Variants in ZNF747 observed in about 807,000 individuals in gnomAD.
ZNF747 encodes KRAB domain-containing protein ZNF747.
ZNF747 carries 14 observed loss-of-function variants against 13.4 expected under a neutral mutation model. The observed-to-expected ratio is 1.04, with a 90% CI of 0.69 to 1.63. The LOEUF (loss-of-function observed/expected upper bound fraction) is 1.63, where lower values mean the gene tolerates loss of function less well. ZNF747 is among the 40% of genes most tolerant of loss of function. ZNF747 has a pLI of 0.00. For missense variants in ZNF747, 532 were observed against 477.9 expected (o/e 1.11, Z -1.05); for synonymous variants, 212 against 206.5 (o/e 1.03, Z -0.23).
At position 30,534,443 on chromosome 16, in the gene ZNF747, G is replaced by A; in HGVS notation, c.229+8C>T. 1 of 1,579,912 alleles carries A rather than the reference G, an allele frequency of 6.3e-7. No individual in the cohort carries two copies. Among genetic ancestry groups the A allele is most frequent in the Non-Finnish European group, 8.6e-7 (1 of 1,164,214 alleles). ...CGCAGGGCCCAGGCAAGCAGGTGGG[G>A]CTCTCACCGAGCGCGCCCAGGTGGC... On this transcript the variant is annotated splice_region_variant and intron_variant, in intron 1 of 2. Coordinates refer to ENST00000693075, the MANE Select transcript of ZNF747 (RefSeq NM_001305018.2).
Position 30,530,486 on chromosome 16 carries a change from G to A in ZNF747, c.*2013C>T, listed in dbSNP as rs1716838344. 1 of 152,246 alleles carries A rather than the reference G, an allele frequency of 6.6e-6. No individual in the cohort carries two copies. Among genetic ancestry groups the A allele is most frequent in the Non-Finnish European group, 1.5e-5 (1 of 68,096 alleles). The allele number at this position is 152,246 out of a possible 1,614,324, so 9.4% of individuals were successfully genotyped here. On this transcript the variant is annotated 3_prime_UTR_variant, in exon 3 of 3. Coordinates refer to ENST00000693075, the MANE Select transcript of ZNF747 (RefSeq NM_001305018.2). The surrounding 1 kb of genome is among the most constrained non-coding windows in gnomAD (Gnocchi z 4.4). ...TTTCCCCAGGCTGTGTTGAGGGTTA[G>A]GGGAGGGGACTGAGATGTACACTGG...
chr16:30,534,383 C>T (rs1414252510), intron 1 of ZNF747, 68 bp downstream of exon 1: 2 of 1,555,592 alleles, frequency 1.3e-6, no homozygotes, highest in East Asian at 2.4e-5. Flanking sequence ...CAACTCCACA[C>T]GCAGCTCCCA....
In ZNF747 at chr16:30,534,210, T is replaced by C; in HGVS notation, c.330A>G (p.Thr110=). The C allele has an allele frequency of 6.2e-7, 1 of 1,610,622 alleles. No individual in the cohort carries two copies. The highest frequency in any genetic ancestry group is 8.5e-7 in the Non-Finnish European group (1 of 1,178,532). ...CCGATACTCCACCTGGGTCCGCTTC[T>C]GTCGGACACTTCGCCACCTCCGGAT... ...AQDPEVAKCP[T]EADPADSRNK... is the part of the protein sequence containing the mutation. Residue 110 remains threonine, a synonymous_variant, in exon 2 of 3, where the codon ACA becomes ACG. Coordinates refer to ENST00000693075, the MANE Select transcript of ZNF747 (RefSeq NM_001305018.2).
rs2051362653 is a variant in ZNF747 at position 30,530,692 on chromosome 16, C to T, written c.*1807G>A. 6.6e-6 allele frequency: 1 copy of T among 152,222 alleles called. No individual in the cohort carries two copies. Among genetic ancestry groups the T allele is most frequent in the Admixed American group, 6.5e-5 (1 of 15,284 alleles). 9.4% of individuals were successfully genotyped at this position (152,222 alleles called of 1,614,324 possible). On this transcript the variant is annotated 3_prime_UTR_variant, in exon 3 of 3. Transcript: ENST00000693075. This position sits in a 1 kb window ranked among gnomAD's most constrained non-coding sequence, Gnocchi z 4.4. The stretch of plus-strand genomic sequence containing the variant: ...TAAAGTCAGTTCATTACTTGACACC[C>T]GAACAGTGTCTTTTCTCCAAAACTT...
chr16:30,531,885 G>A lies in ZNF747; in HGVS notation c.*614C>T, dbSNP rs780747446. On this transcript the variant is annotated 3_prime_UTR_variant, in exon 3 of 3. Coordinates refer to ENST00000693075, the MANE Select transcript of ZNF747 (RefSeq NM_001305018.2). ...GAAAAGGCCAGGTGAGGTGGCTCACGCCTGTAATCCCAGCACTTTGGGAGG... is the reference window on the plus strand; with the variant it reads ...GAAAAGGCCAGGTGAGGTGGCTCACACCTGTAATCCCAGCACTTTGGGAGG... 2.9e-4 allele frequency: 44 copies of A among 152,930 alleles called. No homozygotes were observed. Among genetic ancestry groups the A allele is most frequent in the Middle Eastern group, 3.4e-3 (1 of 294 alleles). 9.5% of individuals were successfully genotyped at this position (152,930 alleles called of 1,614,324 possible).
In ZNF747 at chr16:30,533,068, G is replaced by A. The variant is rs1254025493; in HGVS notation, c.427C>T (p.Pro143Ser). The A allele has an allele frequency of 6.2e-7, 1 of 1,612,772 alleles. No homozygotes were observed. The highest frequency in any genetic ancestry group is 8.5e-7 in the Non-Finnish European group (1 of 1,180,012). The change falls in exon 3 of 3, where the codon CCT becomes TCT. Residue 143 changes from proline (P) to serine (S), a missense_variant. By Grantham distance (74) the Pro-to-Ser change is moderately conservative (BLOSUM62 -1). Transcript: ENST00000693075. ...EKPDPVAAGS[P>S]GLKAPQAPFA... ...GGGGCTTGGGGAGCCTTCAGCCCAG[G>A]AGACCCGGCGGCCACAGGGTCGGGC... is the stretch of plus-strand genomic sequence containing the variant.
At chr16:30,533,443 GCAC>G (rs1207593508) in intron 2 of ZNF747, among the ~76,000 whole-genome samples, 1 of 152,324 alleles carries the variant, frequency 6.6e-6, no homozygotes, top group East Asian at 1.9e-4. Context: ...AGAAGGAACA[GCAC>G]CAAGAAAGGC....
chr16:30,534,361 C>G (rs745818290), intron 1 of ZNF747, 51 bp from the exon 2 acceptor site: 2 of 1,554,810 alleles, frequency 1.3e-6, no homozygotes, highest in Non-Finnish European at 1.7e-6. Context: ...GCCTGCCCGG[C>G]CCCGGGGCCC....
rs1248851847 is a variant in ZNF747 at position 30,532,940 on chromosome 16, G to A, written c.555C>T (p.Tyr185=). Residue 185 remains tyrosine, a synonymous_variant, in exon 3 of 3, where the codon TAC becomes TAT. Coordinates refer to ENST00000693075, the MANE Select transcript of ZNF747 (RefSeq NM_001305018.2). ...GCCAGGCGAAGCTCTTCCCGCACAC[G>A]TAGCAGCCGTGACGCTGGTCAGCTC... is the stretch of plus-strand genomic sequence containing the variant. ...VPRADQRHGC[Y]VCGKSFAWRS... The A allele has an allele frequency of 1.2e-6, 2 of 1,605,326 alleles. No homozygotes were observed. Among genetic ancestry groups the A allele is most frequent in the East Asian group, 2.2e-5 (1 of 44,780 alleles).
rs1390667626 is a variant in ZNF747 at position 30,534,556 on chromosome 16, C to T, written c.124G>A (p.Val42Met). 3.7e-6 allele frequency: 6 copies of T among 1,607,256 alleles called. No individual in the cohort carries two copies. The highest frequency in any genetic ancestry group is 1.1e-5 in the South Asian group (1 of 90,032). ...RKPGAVSFAD[V>M]AVYFSREEWG... The stretch of plus-strand genomic sequence containing the variant: ...TCCTCCCGGGAGAAGTACACGGCCA[C>T]GTCGGCGAAGCTCACGGCCCCGGGC... The change falls in exon 1 of 3, where the codon GTG becomes ATG. Residue 42 changes from valine to methionine, a missense_variant. By Grantham distance (21) the Val-to-Met change is conservative. Coordinates refer to ENST00000693075, the MANE Select transcript of ZNF747 (RefSeq NM_001305018.2).
In ZNF747 at chr16:30,530,592, CACGAGTCA is replaced by C. The variant is rs763383136; in HGVS notation, c.*1899_*1906del. The C allele has an allele frequency of 1.3e-5, 2 of 152,228 alleles. No homozygotes were observed. The allele number at this position is 152,228 out of a possible 1,614,324, so 9.4% of individuals were successfully genotyped here. Reference sequence around the variant, plus strand: ...CATGTGCCCCTGTGATAAAGTGACACACGAGTCAACCCGCCCCAGAAAAGCTGAGGGAG... The same window carrying C: ...CATGTGCCCCTGTGATAAAGTGACACACCCGCCCCAGAAAAGCTGAGGGAG... On this transcript the variant is annotated 3_prime_UTR_variant, in exon 3 of 3. Coordinates refer to ENST00000693075, the MANE Select transcript of ZNF747 (RefSeq NM_001305018.2). This position sits in a 1 kb window ranked among gnomAD's most constrained non-coding sequence, Gnocchi z 4.4.
At position 30,532,963 on chromosome 16, in the gene ZNF747, C is replaced by G; in HGVS notation, c.532G>C (p.Ala178Pro). The G allele has an allele frequency of 6.2e-7, 1 of 1,606,754 alleles. No homozygotes were observed. Among genetic ancestry groups the G allele is most frequent in the Non-Finnish European group, 8.5e-7 (1 of 1,178,334 alleles). ...ACGTAGCAGCCGTGACGCTGGTCAG[C>G]TCGGGGGACAGGGGGGTGGGCAAAA... ...RFFAHPPVPR[A>P]DQRHGCYVCG... The change falls in exon 3 of 3, where the codon GCT becomes CCT. Residue 178 changes from alanine to proline, a missense_variant. Transcript: ENST00000693075.
intron 2 of ZNF747, among the ~76,000 whole-genome samples, chr16:30,533,847 T>C (rs987634092): frequency 3.3e-5 from 5 of 151,666 alleles, no homozygotes; most frequent in South Asian, 2.1e-4. Flanking sequence ...GTTGAGCCGA[T>C]TGCTTGAGCC....
chr16:30,532,670 G>A lies in ZNF747; in HGVS notation c.825C>T (p.Phe275=). The A allele has an allele frequency of 1.3e-6, 2 of 1,539,054 alleles. No individual in the cohort carries two copies. Among genetic ancestry groups the A allele is most frequent in the Non-Finnish European group, 1.7e-6 (2 of 1,146,866 alleles). The change falls in exon 3 of 3, where the codon TTC becomes TTT. Residue 275 remains phenylalanine (F), a synonymous_variant. Coordinates refer to ENST00000693075, the MANE Select transcript of ZNF747 (RefSeq NM_001305018.2). ...GCTTGGCCATGCCGGTCTTCAGGCC[G>A]AAGCAGCGGCCACACTGCGGGCAGC... ...PYRCPQCGRC[F]GLKTGMAKHQ...
Position 30,533,794 on chromosome 16 carries a change from C to A in ZNF747, c.343+403G>T, listed in dbSNP as rs2051414363. On this transcript the variant is annotated intron_variant, in intron 2 of 2. Coordinates refer to ENST00000693075, the MANE Select transcript of ZNF747 (RefSeq NM_001305018.2). ...ACCAGCCAGGCGTGGTGGCGAGTGC[C>A]TTTACAGTGTTAGGTACTCTGGAGG... 5.3e-5 allele frequency among the ~76,000 whole-genome samples: 8 copies of A among 150,430 alleles called. No homozygotes were observed. In the South Asian group the frequency reaches 1.7e-3, roughly 32 times the overall value.
In ZNF747 at chr16:30,532,652, C is replaced by T. The variant is rs1454472489; in HGVS notation, c.843G>A (p.Met281Ile). 1.3e-6 allele frequency: 2 copies of T among 1,540,240 alleles called. No homozygotes were observed. Among genetic ancestry groups the T allele is most frequent in the Non-Finnish European group, 1.7e-6 (2 of 1,147,252 alleles). ...GCCGATGGACCCATTGGTGCTTGGC[C>T]ATGCCGGTCTTCAGGCCGAAGCAGC... ...CGRCFGLKTG[M>I]AKHQWVHRPG... is the part of the protein sequence containing the mutation. The change falls in exon 3 of 3, where the codon ATG becomes ATA. Residue 281 changes from methionine (M) to isoleucine (I), a missense_variant. Transcript: ENST00000693075.
Position 30,534,573 on chromosome 16 carries a change from GC to G in ZNF747, c.106del (p.Ala36ProfsTer2). On this transcript the variant is annotated frameshift_variant, in exon 1 of 3. Transcript: ENST00000693075. LOFTEE classifies it high-confidence loss of function. ...GAGSEWRKPG[A>X]VSFADVAVYF... ...CACGGCCACGTCGGCGAAGCTCACG[GC>G]CCCGGGCTTTCTCCACTCGGATCCC... is the stretch of plus-strand genomic sequence containing the variant. 6.2e-7 allele frequency: 1 copy of G among 1,604,724 alleles called. No homozygotes were observed.
rs1371450692 is a variant in ZNF747 at position 30,534,342 on chromosome 16, G to A, written c.230-32C>T. 1.3e-6 allele frequency: 2 copies of A among 1,558,468 alleles called. No individual in the cohort carries two copies. The highest frequency in any genetic ancestry group is 1.7e-6 in the Non-Finnish European group (2 of 1,151,590). ...GAGAAGAACGCAAACCCCACGCTGC[G>A]AGGAGGCCGCCTGCCCGGCCCCGGG... On this transcript the variant is annotated intron_variant, in intron 1 of 2. Coordinates refer to ENST00000693075, the MANE Select transcript of ZNF747 (RefSeq NM_001305018.2).
Position 30,534,465 on chromosome 16 carries a change from T to A in ZNF747, c.215A>T (p.His72Leu). The stretch of plus-strand genomic sequence containing the variant: ...GGGGCTCTCACCGAGCGCGCCCAGG[T>A]GGCCGTAGGTCTCCCGCATCACGTC... ...YRDVMRETYG[H>L]LGALGVGGSK... The change falls in exon 1 of 3, where the codon CAC becomes CTC. Residue 72 changes from histidine to leucine, a missense_variant. By Grantham distance (99) the His-to-Leu change is moderately conservative (BLOSUM62 -3). Transcript: ENST00000693075. 3 of 1,594,502 alleles carry A rather than the reference T, an allele frequency of 1.9e-6. No homozygotes were observed. The highest frequency in any genetic ancestry group is 2.6e-6 in the Non-Finnish European group (3 of 1,171,490).
Sources: allele counts gnomAD v4.1 joint callset (sites outside exome capture counted in the v4.1 genomes callset), GRCh38; gene constraint gnomAD v4.1.1; non-coding constraint Gnocchi (gnomAD v3.1); transcripts MANE v1.5; gene names NCBI Gene and HGNC (gene_info 2026-07-23, HGNC 2026-07-21).